Variants in OLFM3 observed in about 807,000 individuals in gnomAD.
OLFM3 encodes olfactomedin 3, also known as noelin-3.
Under a neutral mutation model 48.6 loss-of-function variants are expected in OLFM3, and 20 were observed. The observed-to-expected ratio is 0.41, with a 90% confidence interval of 0.29 to 0.60. The LOEUF (loss-of-function observed/expected upper bound fraction) is 0.60. Ranked by LOEUF, OLFM3 falls within the 20% of genes least tolerant of loss-of-function variation. The pLI, the probability that OLFM3 is intolerant of heterozygous loss-of-function variation, is 0.28. For synonymous variants in OLFM3, 222 were observed against 198.1 expected, an observed-to-expected ratio of 1.12 and a Z score of -1.01; for missense variants, 437 against 544.3, an observed-to-expected ratio of 0.80 and a Z score of 1.96.
At chr1:101,952,636 T>C (rs1660177990) in intron 1 of OLFM3, among the ~76,000 whole-genome samples, 1 of 152,082 alleles carries the variant, frequency 6.6e-6, no homozygotes, top group African/African-American at 2.4e-5. Context: ...ATCTTTTTTC[T>C]AAAAATATTA....
intron 1 of OLFM3, among the ~76,000 whole-genome samples, chr1:101,976,396 C>T (rs1660952636): frequency 6.6e-6 from 1 of 152,188 alleles, no homozygotes; most frequent in Admixed American, 6.5e-5. Context: ...TTTTTAGCTG[C>T]ATCCATGCCT....
Position 101,880,434 on chromosome 1 carries a change from C to CT in OLFM3, c.70-43410dup, listed in dbSNP as rs200626948. Among the ~76,000 whole-genome samples, 571 of 151,680 alleles carry CT rather than the reference C, an allele frequency of 3.8e-3. 2 individuals are homozygous for CT. Among genetic ancestry groups the CT allele is most frequent in the African/African-American group, 0.013 (551 of 41,408 alleles). On this transcript the variant is annotated intron_variant, in intron 1 of 5. Coordinates refer to ENST00000370103, the MANE Select transcript of OLFM3 (RefSeq NM_058170.4). The stretch of plus-strand genomic sequence containing the variant: ...TGCTGCTGTAAAGTGCTCTTTAAAT[C>CT]TTTTTTTTAAATCCCTTTCTAATGA...
At chr1:101,826,124 C>T (rs969893739) in intron 3 of OLFM3, among the ~76,000 whole-genome samples, 2 of 129,740 alleles carry the variant, frequency 1.5e-5, no homozygotes, top group Non-Finnish European at 1.6e-5. Context: ...CATTGACTTT[C>T]GTCAAACACA....
chr1:101,840,860 C>T (rs1392465697), intron 1 of OLFM3, among the ~76,000 whole-genome samples: 2 of 152,136 alleles, frequency 1.3e-5, no homozygotes, highest in Non-Finnish European at 2.9e-5. Context: ...CTGGAGGGTA[C>T]ATATAGTTTA....
intron 1 of OLFM3, among the ~76,000 whole-genome samples, chr1:101,963,336 C>A (rs935604252): frequency 2.6e-5 from 4 of 152,182 alleles, no homozygotes; most frequent in Admixed American, 1.3e-4. Context: ...CCTCTAAATT[C>A]TTTTCAGGTG....
At chr1:101,815,104 A>C (rs1654265219) in intron 4 of OLFM3, among the ~76,000 whole-genome samples, 1 of 152,162 alleles carries the variant, frequency 6.6e-6, no homozygotes, top group Admixed American at 6.5e-5. Flanking sequence ...GAATGACAGA[A>C]TGTAAGCTGC....
intron 1 of OLFM3, among the ~76,000 whole-genome samples, chr1:101,967,194 G>A (rs888070896): frequency 6.6e-6 from 1 of 151,830 alleles, no homozygotes; most frequent in Non-Finnish European, 1.5e-5. Flanking sequence ...AGTAATTTGG[G>A]CTTCTTGTTT....
chr1:101,828,194 T>C (rs1570530322), intron 3 of OLFM3, among the ~76,000 whole-genome samples: 1 of 152,212 alleles, frequency 6.6e-6, no homozygotes, highest in East Asian at 1.9e-4. Context: ...CTTTCACACA[T>C]TACGCAGTCT....
intron 5 of OLFM3, among the ~76,000 whole-genome samples, chr1:101,805,391 G>A (rs1395478091): frequency 1.3e-5 from 2 of 151,752 alleles, no homozygotes; most frequent in African/African-American, 2.4e-5. Flanking sequence ...TGTTTATTGG[G>A]CTAGCCTGTA....
At chr1:101,897,072 G>A (rs1055586497) in intron 1 of OLFM3, among the ~76,000 whole-genome samples, 2 of 152,148 alleles carry the variant, frequency 1.3e-5, no homozygotes, top group Non-Finnish European at 2.9e-5. Context: ...AAGTGCTAAT[G>A]TGGAAATCCT....
chr1:101,899,769 G>T (rs955400612), intron 1 of OLFM3, among the ~76,000 whole-genome samples: 3 of 152,004 alleles, frequency 2.0e-5, no homozygotes, highest in Non-Finnish European at 4.4e-5. Flanking sequence ...AAAATGGAAT[G>T]AATAAATACA....
intron 1 of OLFM3, among the ~76,000 whole-genome samples, chr1:101,986,686 G>GT (rs1291198636): frequency 6.6e-6 from 1 of 152,138 alleles, no homozygotes; most frequent in Non-Finnish European, 1.5e-5. Flanking sequence ...AAGTTAAGAC[G>GT]TAAGTAGGGA....
chr1:101,996,632 A>C (rs1661567257), intron 1 of OLFM3, 116 bp downstream of exon 1: 1 of 1,003,914 alleles, frequency 1.0e-6, no homozygotes, highest in Non-Finnish European at 1.5e-6. Context: ...CAGACACCAT[A>C]AGGTAGCTGA....
At chr1:101,836,482 T>A (rs1007996951) in intron 2 of OLFM3, among the ~76,000 whole-genome samples, 1 of 152,224 alleles carries the variant, frequency 6.6e-6, no homozygotes, top group Non-Finnish European at 1.5e-5. Context: ...GCATATCACA[T>A]GCAATTATTT....
chr1:101,951,896 T>C (rs932609474), intron 1 of OLFM3, among the ~76,000 whole-genome samples: 6 of 152,166 alleles, frequency 3.9e-5, no homozygotes, highest in African/African-American at 1.4e-4. Flanking sequence ...TTTTTCTATC[T>C]TTATAAAGAA....
intron 1 of OLFM3, among the ~76,000 whole-genome samples, chr1:101,964,533 T>C (rs1660557364): frequency 6.6e-6 from 1 of 152,236 alleles, no homozygotes; most frequent in East Asian, 1.9e-4. Flanking sequence ...GTGTTTCTGT[T>C]GATTAGCTAT....
chr1:101,933,452 A>T (rs528048754), intron 1 of OLFM3, among the ~76,000 whole-genome samples: 3 of 152,198 alleles, frequency 2.0e-5, no homozygotes, highest in African/African-American at 7.2e-5. Flanking sequence ...ACCTCCAAGA[A>T]ATATGGAACT....
In OLFM3 at chr1:101,962,995, C is replaced by G. The variant is rs548958520; in HGVS notation, c.69+33753G>C. Among the ~76,000 whole-genome samples the G allele has an allele frequency of 2.6e-5, 4 of 152,332 alleles. No homozygotes were observed. In the South Asian group the frequency reaches 8.3e-4, roughly 32 times the overall value. ...CTAACCATTTCATTGTGTAACTTTT[C>G]GGGATTTTCACGAATTCCCTAGTGG... On this transcript the variant is annotated intron_variant, in intron 1 of 5. Transcript: ENST00000370103.
intron 1 of OLFM3, among the ~76,000 whole-genome samples, chr1:101,870,192 C>G (rs563913429): frequency 6.6e-6 from 1 of 151,950 alleles, no homozygotes; most frequent in Non-Finnish European, 1.5e-5. Flanking sequence ...ATTGCTTCAC[C>G]TTCCCCCTAT....
Sources: allele counts gnomAD v4.1 joint callset (sites outside exome capture counted in the v4.1 genomes callset), GRCh38; gene constraint gnomAD v4.1.1; transcripts MANE v1.5; gene names NCBI Gene and HGNC (gene_info 2026-07-23, HGNC 2026-07-21).